The following SEMA6D variants were observed in gnomAD, a reference collection of about 807,000 sequenced individuals.
SEMA6D encodes the protein semaphorin-6D.
In SEMA6D, 35 loss-of-function variants were observed where a neutral mutation model predicts 106.6. The observed-to-expected ratio is 0.33, with a 90% confidence interval of 0.25 to 0.44. The LOEUF (loss-of-function observed/expected upper bound fraction) is 0.44, where lower values mean the gene tolerates loss of function less well. Ranked by LOEUF, SEMA6D falls within the 20% of genes least tolerant of loss-of-function variation. The pLI is 1.00. For synonymous variants in SEMA6D, 499 were observed against 487.7 expected, an observed-to-expected ratio of 1.02 and a Z score of -0.31; for missense variants, 1,185 against 1,345.9, an observed-to-expected ratio of 0.88 and a Z score of 1.87.
intron 2 of SEMA6D, among the ~76,000 whole-genome samples, chr15:47,451,304 C>T (rs768401435): frequency 6.6e-6 from 1 of 151,830 alleles, no homozygotes; most frequent in Non-Finnish European, 1.5e-5. Flanking sequence ...TACTACTGGG[C>T]GATCAAAAGC....
intron 4 of SEMA6D, among the ~76,000 whole-genome samples, chr15:47,614,866 T>A (rs2076977877): frequency 6.6e-6 from 1 of 152,224 alleles, no homozygotes; most frequent in African/African-American, 2.4e-5. Context: ...AAAATGGGGT[T>A]AATAACAATA....
chr15:47,739,694 T>C (rs2080684497), intron 1 of SEMA6D, among the ~76,000 whole-genome samples: 1 of 152,142 alleles, frequency 6.6e-6, no homozygotes, highest in Non-Finnish European at 1.5e-5. Flanking sequence ...AAAGGGAAAT[T>C]ATTTGAACTG....
In SEMA6D at chr15:47,763,876, A is replaced by G. The variant is rs755865266; in HGVS notation, c.774A>G (p.Ile258Met). Reference sequence around the variant, plus strand: ...CTGTGTATTCCCGCGTGGCCCGCATATGTAAAAACGACATGGGTGGTTCCC... The same window carrying G: ...CTGTGTATTCCCGCGTGGCCCGCATGTGTAAAAACGACATGGGTGGTTCCC... ...GKAVYSRVAR[I>M]CKNDMGGSQR... Residue 258 changes from isoleucine to methionine, a missense_variant, in exon 10 of 19, where the codon ATA (isoleucine) becomes ATG (methionine). Physicochemically the swap from Ile to Met is conservative, Grantham distance 10. This residue lies in a region of SEMA6D where 291 missense variants were observed against 423.8 expected (regional missense o/e 0.69). Transcript: ENST00000536845. The G allele has an allele frequency of 1.9e-5, 30 of 1,613,394 alleles. No individual in the cohort carries two copies. The highest frequency in any genetic ancestry group is 2.2e-5 in the Non-Finnish European group (26 of 1,179,854).
At chr15:47,627,690 C>T (rs896189083) in intron 4 of SEMA6D, among the ~76,000 whole-genome samples, 2 of 152,034 alleles carry the variant, frequency 1.3e-5, no homozygotes, top group Non-Finnish European at 2.9e-5. Flanking sequence ...GTAGAGATAT[C>T]TCCTGTACAC....
intron 1 of SEMA6D, among the ~76,000 whole-genome samples, chr15:47,253,634 G>T (rs1455572098): frequency 6.6e-6 from 1 of 152,014 alleles, no homozygotes; most frequent in African/African-American, 2.4e-5. Context: ...CCCAACATAT[G>T]TTCTTGGCAC....
intron 4 of SEMA6D, among the ~76,000 whole-genome samples, chr15:47,685,911 T>A (rs1277078668): frequency 6.6e-6 from 1 of 152,192 alleles, no homozygotes; most frequent in Non-Finnish European, 1.5e-5. Flanking sequence ...ATTGCCTGAT[T>A]AAAAGATGCA....
intron 3 of SEMA6D, among the ~76,000 whole-genome samples, chr15:47,577,607 G>A (rs1406595125): frequency 6.6e-6 from 1 of 152,258 alleles, no homozygotes; most frequent in Non-Finnish European, 1.5e-5. Context: ...CTGGGAAAGG[G>A]CCTTATGCCT....
chr15:47,360,613 G>C (rs1231249159), intron 1 of SEMA6D, among the ~76,000 whole-genome samples: 5 of 152,208 alleles, frequency 3.3e-5, no homozygotes, highest in African/African-American at 2.4e-5. Flanking sequence ...CTAATAGAGA[G>C]CAAGGGTGTC....
chr15:47,347,089 G>T (rs1344521766), intron 1 of SEMA6D, among the ~76,000 whole-genome samples: 3 of 151,884 alleles, frequency 2.0e-5, no homozygotes, highest in African/African-American at 7.3e-5. Flanking sequence ...TTGTATTTTT[G>T]TAGAAATGGG....
intron 3 of SEMA6D, among the ~76,000 whole-genome samples, chr15:47,508,174 G>A (rs2054517920): frequency 1.3e-5 from 2 of 152,158 alleles, no homozygotes. Flanking sequence ...TTAAACCTCA[G>A]GCTACGGCAA....
At chr15:47,464,219 T>A (rs2042595205) in intron 2 of SEMA6D, among the ~76,000 whole-genome samples, 1 of 152,126 alleles carries the variant, frequency 6.6e-6, no homozygotes, top group Non-Finnish European at 1.5e-5. Context: ...ATCAGTAAGA[T>A]AAGGTTAATA....
chr15:47,622,957 G>A (rs370318451), intron 4 of SEMA6D, among the ~76,000 whole-genome samples: 11 of 152,260 alleles, frequency 7.2e-5, no homozygotes, highest in African/African-American at 1.7e-4. Context: ...GGGAAAGAGT[G>A]CATGGAATCA....
intron 4 of SEMA6D, among the ~76,000 whole-genome samples, chr15:47,659,112 A>G (rs1297639431): frequency 3.3e-5 from 5 of 152,116 alleles, no homozygotes; most frequent in Non-Finnish European, 7.4e-5. Flanking sequence ...AGAGAAACAA[A>G]ATCTAAAGTT....
In SEMA6D at chr15:47,710,168, T is replaced by C. The variant is rs554181116; in HGVS notation, c.-54-49577T>C. Among the ~76,000 whole-genome samples, 6 of 152,354 alleles carry C rather than the reference T, an allele frequency of 3.9e-5. No homozygotes were observed. The South Asian group carries it at 1.2e-3, about 32-fold the overall frequency. ...AATAGAGGCTGATGGATTAGCTTTT[T>C]ATATTAAATTAATTTATTTCCATCA... On this transcript the variant is annotated intron_variant, in intron 4 of 19. Coordinates refer to the SEMA6D transcript ENST00000558014.
intron 4 of SEMA6D, among the ~76,000 whole-genome samples, chr15:47,664,554 T>G (rs991142154): frequency 9.9e-5 from 15 of 152,210 alleles, no homozygotes; most frequent in Admixed American, 8.5e-4. Flanking sequence ...ATCACAGAAA[T>G]GACCGTCCCT....
At chr15:47,514,129 A>G (rs553870871) in intron 3 of SEMA6D, among the ~76,000 whole-genome samples, 11 of 152,304 alleles carry the variant, frequency 7.2e-5, no homozygotes, top group African/African-American at 2.6e-4. Context: ...CTTGGAGGAG[A>G]ACCCAAACAC....
At chr15:47,189,083 A>C (rs1023916786) in intron 1 of SEMA6D, among the ~76,000 whole-genome samples, 8 of 152,238 alleles carry the variant, frequency 5.3e-5, no homozygotes, top group African/African-American at 1.9e-4. Flanking sequence ...TGAGGATATC[A>C]GGGTGGAAAT....
intron 3 of SEMA6D, among the ~76,000 whole-genome samples, chr15:47,521,181 G>A (rs1427494162): frequency 6.6e-6 from 1 of 152,122 alleles, no homozygotes; most frequent in African/African-American, 2.4e-5. Flanking sequence ...CACATGACCT[G>A]GCTGAACACA....
chr15:47,344,473 G>A (rs141291844), intron 1 of SEMA6D, among the ~76,000 whole-genome samples: 40 of 152,244 alleles, frequency 2.6e-4, no homozygotes, highest in African/African-American at 6.7e-4. Flanking sequence ...TGGGTGCTCC[G>A]GCTTACTCTT....
Sources: allele counts gnomAD v4.1 joint callset (sites outside exome capture counted in the v4.1 genomes callset), GRCh38; gene constraint gnomAD v4.1.1; regional missense constraint gnomAD v4.1.1; transcripts MANE v1.5; gene names NCBI Gene and HGNC (gene_info 2026-07-23, HGNC 2026-07-21).